Variants in LAMP3 observed in about 807,000 individuals in gnomAD.
The protein encoded by LAMP3 is lysosome-associated membrane glycoprotein 3.
LAMP3 carries 26 observed loss-of-function variants against 34.8 expected under a neutral mutation model. The ratio of observed to expected loss-of-function variants is 0.75; its 90% CI spans 0.55 to 1.04. The LOEUF is 1.04. Ranked by LOEUF, LAMP3 falls within the 50% of genes least tolerant of loss-of-function variation. LAMP3 has a pLI of 0.00. For missense variants in LAMP3, 495 were observed against 524.0 expected (o/e 0.94, Z 0.54); for synonymous variants, 180 against 201.9 (o/e 0.89, Z 0.92).
At chr3:183,144,386 G>A (rs142628467) in intron 3 of LAMP3, among the ~76,000 whole-genome samples, 102 of 152,322 alleles carry the variant, frequency 6.7e-4, no homozygotes, top group African/African-American at 2.3e-3. Context: ...GAAGTTTGGG[G>A]AACAATGAAT....
Position 183,132,019 on chromosome 3 carries a change from C to T in LAMP3, c.1117+3698G>A, listed in dbSNP as rs1719939804. The T allele has an allele frequency of 3.0e-6, 3 of 985,348 alleles. No homozygotes were observed. In the South Asian group the frequency reaches 1.4e-4, roughly 46 times the overall value. 61.0% of individuals were successfully genotyped at this position (985,348 alleles called of 1,614,324 possible). A position where few individuals can be genotyped will look rare whatever the true frequency, so the allele number is the denominator to read the frequency against. The stretch of plus-strand genomic sequence containing the variant: ...CTGCTTGCCATTCCATATTGTCTCC[C>T]TGCTCTGTCTCCCTCCTGTCCTGCA... On this transcript the variant is annotated intron_variant, in intron 5 of 5. Transcript: ENST00000265598.
chr3:183,132,840 T>C (rs1719967926), intron 5 of LAMP3: 3 of 985,342 alleles, frequency 3.0e-6, no homozygotes, highest in Admixed American at 6.1e-5. Context: ...TATCCTCTAC[T>C]GGGCCTCTTT....
intron 1 of LAMP3, among the ~76,000 whole-genome samples, chr3:183,156,008 A>G (rs992889260): frequency 2.0e-5 from 3 of 152,196 alleles, no homozygotes; most frequent in African/African-American, 4.8e-5. Flanking sequence ...TTTTCCAACT[A>G]GAACAGGTCT....
At chr3:183,160,227 T>A (rs1348678252) in intron 1 of LAMP3, among the ~76,000 whole-genome samples, 2 of 152,190 alleles carry the variant, frequency 1.3e-5, no homozygotes, top group Non-Finnish European at 2.9e-5. Context: ...GGGAAGCAAG[T>A]TGACTGGGTA....
At position 183,132,825 on chromosome 3, in the gene LAMP3, G is replaced by A. The variant is rs532497587; in HGVS notation, c.1117+2892C>T. ...TTGAAGAAAGTGGGGCTTTACATGC[G>A]TTCATATCCTCTACTGGGCCTCTTT... is the stretch of plus-strand genomic sequence containing the variant. On this transcript the variant is annotated intron_variant, in intron 5 of 5. Coordinates refer to ENST00000265598, the MANE Select transcript of LAMP3 (RefSeq NM_014398.4). 2.8e-5 allele frequency: 28 copies of A among 985,396 alleles called. 1 individual carries two copies. The highest frequency in any genetic ancestry group is 1.0e-3 in the Middle Eastern group (2 of 1,914). 61.0% of individuals were successfully genotyped at this position (985,396 alleles called of 1,614,324 possible). A position where few individuals can be genotyped will look rare whatever the true frequency, so the allele number is the denominator to read the frequency against.
chr3:183,127,818 C>T (rs1410112960), intron 5 of LAMP3, among the ~76,000 whole-genome samples: 1 of 152,016 alleles, frequency 6.6e-6, no homozygotes, highest in African/African-American at 2.4e-5. Context: ...TGATAACTAT[C>T]ATTCCTGTAG....
rs1217070130 is a variant in LAMP3, at chr3:183,122,781, G to T, written c.*1300C>A. ...CCTTTCATCTACCCTAATGTCTCAT[G>T]ATCCTGGATAAACCCATTTCCCTGT... is the stretch of plus-strand genomic sequence containing the variant. On this transcript the variant is annotated 3_prime_UTR_variant, in exon 6 of 6. Coordinates refer to ENST00000265598, the MANE Select transcript of LAMP3 (RefSeq NM_014398.4). 6.6e-6 allele frequency: 1 copy of T among 152,216 alleles called. No homozygotes were observed. The highest frequency in any genetic ancestry group is 1.5e-5 in the Non-Finnish European group (1 of 68,042). 9.4% of individuals were successfully genotyped at this position (152,216 alleles called of 1,614,324 possible).
intron 3 of LAMP3, among the ~76,000 whole-genome samples, chr3:183,146,430 A>G (rs1473810599): frequency 6.6e-6 from 1 of 152,116 alleles, no homozygotes; most frequent in African/African-American, 2.4e-5. Context: ...CACTTCATAC[A>G]ATACACCCAT....
chr3:183,136,739 C>T (rs899381275), intron 4 of LAMP3, among the ~76,000 whole-genome samples: 3 of 151,530 alleles, frequency 2.0e-5, no homozygotes, highest in Non-Finnish European at 4.4e-5. Context: ...CATCTCTTCC[C>T]TTCTGATCGC....
At chr3:183,151,859 C>G (rs577142174) in intron 3 of LAMP3, among the ~76,000 whole-genome samples, 10 of 152,214 alleles carry the variant, frequency 6.6e-5, no homozygotes, top group Non-Finnish European at 1.5e-4. Context: ...CGCAGTGAGA[C>G]TCTCTGACCT....
At chr3:183,155,585 T>C (rs563011758) in intron 1 of LAMP3, among the ~76,000 whole-genome samples, 5 of 152,370 alleles carry the variant, frequency 3.3e-5, no homozygotes, top group African/African-American at 1.2e-4. Context: ...TTTCACTGCA[T>C]TAATTACAAC....
chr3:183,138,103 G>A (rs1173128654), intron 4 of LAMP3, among the ~76,000 whole-genome samples: 4 of 152,004 alleles, frequency 2.6e-5, no homozygotes, highest in East Asian at 1.9e-4. Context: ...TATTACAGGC[G>A]TGAACCACTG....
Position 183,152,369 on chromosome 3 carries a change from C to CCTCA in LAMP3, c.888+2_888+5dup. 6.2e-7 allele frequency: 1 copy of CCTCA among 1,605,158 alleles called. No homozygotes were observed. The highest frequency in any genetic ancestry group is 8.5e-7 in the Non-Finnish European group (1 of 1,176,174). ...TGCAGTTTGTGCAAAGGAGCTCAGG[C>CCTCA]CTCACCTTGGTAAATGTGAGATTCA... On this transcript the variant is annotated splice_donor_region_variant and intron_variant, in intron 3 of 5. Coordinates refer to ENST00000265598, the MANE Select transcript of LAMP3 (RefSeq NM_014398.4).
At position 183,143,278 on chromosome 3, in the gene LAMP3, T is replaced by TA. The variant is rs199670533; in HGVS notation, c.889-2684dup. ...CACGTGGCACCACAGCCAGCTAATTTAAAAAAAATTTTTTTATAGAGATGG... is the reference window on the plus strand; with the variant it reads ...CACGTGGCACCACAGCCAGCTAATTTAAAAAAAAATTTTTTTATAGAGATGG... On this transcript the variant is annotated intron_variant, in intron 3 of 5. Transcript: ENST00000265598. 6.9e-3 allele frequency among the ~76,000 whole-genome samples: 1,045 copies of TA among 151,592 alleles called. 14 individuals are homozygous for TA. Among genetic ancestry groups the TA allele is most frequent in the African/African-American group, 0.023 (962 of 41,082 alleles).
In LAMP3 at chr3:183,156,803, A is replaced by G. The variant is rs1720834475; in HGVS notation, c.50-2412T>C. Reference sequence around the variant, plus strand: ...AACTCAGGCTTGGAAAATTTCAGCCATTTGACCATAATGACACAACTGGTC... The same window carrying G: ...AACTCAGGCTTGGAAAATTTCAGCCGTTTGACCATAATGACACAACTGGTC... On this transcript the variant is annotated intron_variant, in intron 1 of 5. Transcript: ENST00000265598. 3.3e-5 allele frequency among the ~76,000 whole-genome samples: 5 copies of G among 152,302 alleles called. No individual in the cohort carries two copies. The South Asian group carries it at 1.0e-3, about 32-fold the overall frequency.
rs139062585 is a variant in LAMP3 at position 183,155,017 on chromosome 3, C to T, written c.50-626G>A. 1.6e-4 allele frequency among the ~76,000 whole-genome samples: 24 copies of T among 152,252 alleles called. No individual in the cohort carries two copies. The East Asian group carries it at 2.1e-3, about 13-fold the overall frequency. ...GCAACCTCTGCCTCCTGGGTTCAAG[C>T]GATTCTCCAGCCTCAGCCTCGTGAG... On this transcript the variant is annotated intron_variant, in intron 1 of 5. Transcript: ENST00000265598.
In LAMP3 at chr3:183,135,836, A is replaced by G. The variant is rs933342756; in HGVS notation, c.998T>C (p.Val333Ala). ...KHAVVMFQTAVGHSFKCVSEQ... is the reference protein window; with the variant it reads ...KHAVVMFQTAAGHSFKCVSEQ... Reference sequence around the variant, plus strand: ...ACTCACGCACTTGAAGGAATGCCCGACTGCTGTCTGGAACATCACCACCGC... The same window carrying G: ...ACTCACGCACTTGAAGGAATGCCCGGCTGCTGTCTGGAACATCACCACCGC... The change falls in exon 5 of 6, where the codon GTC (valine) becomes GCC (alanine). Residue 333 changes from valine to alanine, a missense_variant. Physicochemically the swap from Val to Ala is moderately conservative, Grantham distance 64. Coordinates refer to ENST00000265598, the MANE Select transcript of LAMP3 (RefSeq NM_014398.4). 1.9e-6 allele frequency: 3 copies of G among 1,613,798 alleles called. No individual in the cohort carries two copies. Among genetic ancestry groups the G allele is most frequent in the South Asian group, 1.1e-5 (1 of 91,092 alleles).
intron 3 of LAMP3, among the ~76,000 whole-genome samples, chr3:183,149,021 G>A (rs1226829356): frequency 1.3e-5 from 2 of 152,156 alleles, no homozygotes; most frequent in Admixed American, 1.3e-4. Flanking sequence ...AAAAAAGAAT[G>A]AGATCCAGTC....
chr3:183,140,929 A>G (rs1456924280), intron 3 of LAMP3, among the ~76,000 whole-genome samples: 1 of 152,194 alleles, frequency 6.6e-6, no homozygotes, highest in Non-Finnish European at 1.5e-5. Context: ...GGGAAGATGG[A>G]GGAGCAGGAG....
Sources: allele counts gnomAD v4.1 joint callset (sites outside exome capture counted in the v4.1 genomes callset), GRCh38; gene constraint gnomAD v4.1.1; transcripts MANE v1.5; gene names NCBI Gene and HGNC (gene_info 2026-07-23, HGNC 2026-07-21).